The following FBN1 variants were observed in gnomAD, a reference collection of about 807,000 sequenced individuals.
The protein encoded by FBN1 is fibrillin-1.
Under a neutral mutation model 365.1 loss-of-function variants are expected in FBN1, and 29 were observed. That is an observed-to-expected ratio of 0.08 (90% confidence interval 0.06 to 0.11). The LOEUF (loss-of-function observed/expected upper bound fraction) is 0.11. Among genes scored for constraint, FBN1 ranks in the 10% least tolerant of loss-of-function variants. The probability of loss-of-function intolerance (pLI) is 1.00; values close to 1 mark genes in which losing one functional copy is unlikely to be tolerated. For missense variants in FBN1, 2,476 were observed against 3,703.2 expected (o/e 0.67, Z 8.60); for synonymous variants, 1,210 against 1,270.5 (o/e 0.95, Z 1.01).
intron 6 of FBN1, among the ~76,000 whole-genome samples, chr15:48,573,121 A>G (rs1433034992): frequency 2.0e-5 from 3 of 152,194 alleles, no homozygotes; most frequent in Admixed American, 2.0e-4. Context: ...TTATCCGAAA[A>G]CAGGAGGCTA....
chr15:48,530,401 G>A (rs1597589747), intron 8 of FBN1, among the ~76,000 whole-genome samples: 1 of 152,164 alleles, frequency 6.6e-6, no homozygotes, highest in Non-Finnish European at 1.5e-5. Context: ...CCCCCACATA[G>A]CATCTTGTTC....
chr15:48,494,034 T>C (rs1397974809), intron 23 of FBN1, among the ~76,000 whole-genome samples, 170 bp downstream of exon 23: 1 of 152,176 alleles, frequency 6.6e-6, no homozygotes, highest in African/African-American at 2.4e-5. Context: ...AGCAACAGTA[T>C]ATATATGCTT....
intron 15 of FBN1, among the ~76,000 whole-genome samples, chr15:48,507,334 T>C (rs1014794530): frequency 6.6e-6 from 1 of 152,204 alleles, no homozygotes; most frequent in African/African-American, 2.4e-5. Context: ...ATTTGCACAA[T>C]TTGGCACTTT....
intron 55 of FBN1, among the ~76,000 whole-genome samples, chr15:48,431,412 T>C (rs1486197454): frequency 6.6e-6 from 1 of 151,692 alleles, no homozygotes; most frequent in Non-Finnish European, 1.5e-5. Context: ...TCCCTTTATG[T>C]TTTATACTCC....
At chr15:48,516,612 T>C (rs2043805486) in intron 10 of FBN1, among the ~76,000 whole-genome samples, 1 of 152,152 alleles carries the variant, frequency 6.6e-6, no homozygotes, top group Non-Finnish European at 1.5e-5. Context: ...AGAGTCTTTA[T>C]CTGTATCAAA....
chr15:48,446,894 A>C, intron 46 of FBN1, 72 bp from the exon 47 acceptor site: 1 of 1,046,758 alleles, frequency 9.6e-7, no homozygotes, highest in African/African-American at 1.6e-5. Context: ...ACAGTGGCTA[A>C]AGAGCATTTT....
chr15:48,528,536 C>A (rs2043937227), intron 8 of FBN1, among the ~76,000 whole-genome samples: 1 of 152,116 alleles, frequency 6.6e-6, no homozygotes, highest in Non-Finnish European at 1.5e-5. Flanking sequence ...ATGAATCAAA[C>A]CTGAAATAAG....
intron 2 of FBN1, among the ~76,000 whole-genome samples, chr15:48,633,462 G>A (rs149408368): frequency 5.8e-4 from 88 of 152,250 alleles, no homozygotes; most frequent in African/African-American, 2.1e-3. Flanking sequence ...TGTGTGTGGT[G>A]GAGGGTTGCG....
At chr15:48,415,502 A>C in intron 64 of FBN1, 34 bp downstream of exon 64, 1 of 1,482,790 alleles carries the variant, frequency 6.7e-7, no homozygotes, top group Non-Finnish European at 9.4e-7. Flanking sequence ...GAATGAAAGA[A>C]TCTCCAACCA....
intron 6 of FBN1, among the ~76,000 whole-genome samples, chr15:48,580,375 C>A (rs2044382668): frequency 1.3e-5 from 2 of 152,166 alleles, no homozygotes; most frequent in African/African-American, 4.8e-5. Flanking sequence ...CAGTCTCTTT[C>A]TCCACCTCTC....
intron 10 of FBN1, among the ~76,000 whole-genome samples, chr15:48,517,415 G>A (rs1162164326): frequency 6.6e-6 from 1 of 152,148 alleles, no homozygotes; most frequent in African/African-American, 2.4e-5. Context: ...GCCCATAAGG[G>A]AGGAGAAACA....
chr15:48,629,655 T>G (rs1889948467), intron 2 of FBN1, among the ~76,000 whole-genome samples: 1 of 152,168 alleles, frequency 6.6e-6, no homozygotes. Context: ...ATAAATGCAA[T>G]GAGGGAGAGA....
chr15:48,572,693 A>G (rs1468204455), intron 6 of FBN1, among the ~76,000 whole-genome samples: 1 of 152,186 alleles, frequency 6.6e-6, no homozygotes, highest in African/African-American at 2.4e-5. Context: ...TAAATTGACA[A>G]GATTAAAAAC....
chr15:48,504,764 A>G (rs980821211), intron 16 of FBN1, among the ~76,000 whole-genome samples: 5 of 152,226 alleles, frequency 3.3e-5, no homozygotes, highest in Admixed American at 3.3e-4. Flanking sequence ...GGCCTGGAGA[A>G]AACTGAAGAC....
At chr15:48,642,833 T>G (rs776453108) in intron 2 of FBN1, 3 of 152,192 alleles carry the variant, frequency 2.0e-5, no homozygotes, top group Non-Finnish European at 4.4e-5. Context: ...GTGTTAATGA[T>G]CAAATACTGT....
At chr15:48,582,124 C>T (rs563726879) in intron 6 of FBN1, among the ~76,000 whole-genome samples, 1 of 152,314 alleles carries the variant, frequency 6.6e-6, no homozygotes, top group Admixed American at 6.5e-5. Flanking sequence ...AAAAAACTAT[C>T]GGCTAAAAAG....
Position 48,425,755 on chromosome 15 carries a change from A to G in FBN1, c.7314T>C (p.Thr2438=). Residue 2438 remains threonine, a synonymous_variant, in exon 59 of 66, where the codon ACT becomes ACC. Transcript: ENST00000316623. The stretch of plus-strand genomic sequence containing the variant: ...GACACTTACCTACACAGGAAGTCCC[A>G]GTTATATCTGGAGTGTACCCAGTTT... ...ICKTGYTPDI[T]GTSCVDLNEC... is the part of the protein sequence containing the mutation. 1.9e-6 allele frequency: 3 copies of G among 1,613,562 alleles called. No homozygotes were observed. The highest frequency in any genetic ancestry group is 2.5e-6 in the Non-Finnish European group (3 of 1,179,556).
chr15:48,408,624 A>T lies in FBN1; in HGVS notation c.*2366T>A, dbSNP rs1265462296. 1 of 152,686 alleles carries T rather than the reference A, an allele frequency of 6.5e-6. No individual in the cohort carries two copies. Among genetic ancestry groups the T allele is most frequent in the Non-Finnish European group, 1.5e-5 (1 of 68,042 alleles). 9.5% of individuals were successfully genotyped at this position (152,686 alleles called of 1,614,324 possible). On this transcript the variant is annotated 3_prime_UTR_variant, in exon 66 of 66. Coordinates refer to ENST00000316623, the MANE Select transcript of FBN1 (RefSeq NM_000138.5). ...TGAAAGTGAAATTGAAAGGTCACAGACAATTGAAAGGTACAGGTTTAAATC... is the reference window on the plus strand; with the variant it reads ...TGAAAGTGAAATTGAAAGGTCACAGTCAATTGAAAGGTACAGGTTTAAATC...
chr15:48,469,000 G>A (rs542165907), intron 36 of FBN1, among the ~76,000 whole-genome samples: 8 of 144,692 alleles, frequency 5.5e-5, no homozygotes, highest in East Asian at 2.0e-4. Flanking sequence ...CCTGGGAGGC[G>A]GAGCTTGCAG....
Sources: gnomAD v4.1 joint callset for allele counts (sites outside exome capture counted in the v4.1 genomes callset) on GRCh38, gnomAD v4.1.1 for gene constraint, MANE v1.5 for transcripts, NCBI Gene and HGNC (gene_info 2026-07-23, HGNC 2026-07-21) for gene names.